The following STAG1 variants were observed in gnomAD, a reference collection of about 807,000 sequenced individuals.
STAG1 encodes the protein cohesin subunit SA-1.
STAG1 carries 26 observed loss-of-function variants against 170.9 expected under a neutral mutation model. The observed-to-expected ratio is 0.15, with a 90% CI of 0.11 to 0.21. The LOEUF (loss-of-function observed/expected upper bound fraction) is 0.21, where lower values mean the gene tolerates loss of function less well. Ranked by LOEUF, STAG1 falls within the 10% of genes least tolerant of loss-of-function variation. STAG1 has a pLI of 1.00. For missense variants in STAG1, 964 were observed against 1,509.5 expected (o/e 0.64, Z 5.99); for synonymous variants, 514 against 497.7 (o/e 1.03, Z -0.44).
intron 15 of STAG1, among the ~76,000 whole-genome samples, chr3:136,435,124 C>A (rs899378660): frequency 5.3e-5 from 8 of 152,152 alleles, no homozygotes; most frequent in Non-Finnish European, 1.2e-4. Context: ...CTTAATTCAA[C>A]CAACTTGAAT....
rs545646055 is a variant in STAG1 at position 136,505,049 on chromosome 3, C to T, written c.677-2270G>A. The stretch of plus-strand genomic sequence containing the variant: ...ACTTCATTGAATAACACATAAACAG[C>T]TATTAAAAACAAACCTCAAATTAAA... On this transcript the variant is annotated intron_variant, in intron 7 of 33. Transcript: ENST00000383202. Among the ~76,000 whole-genome samples the T allele has an allele frequency of 5.8e-4, 89 of 152,214 alleles. 1 individual carries two copies. The highest frequency in any genetic ancestry group is 2.0e-3 in the African/African-American group (85 of 41,558).
chr3:136,350,622 G>A (rs1330689816), intron 28 of STAG1, among the ~76,000 whole-genome samples: 2 of 152,130 alleles, frequency 1.3e-5, no homozygotes, highest in Non-Finnish European at 2.9e-5. Context: ...GGGAGAAGAG[G>A]GATGCTGGTC....
chr3:136,680,305 G>C, intron 1 of STAG1, among the ~76,000 whole-genome samples: 1 of 152,064 alleles, frequency 6.6e-6, no homozygotes, highest in Middle Eastern at 3.2e-3. Context: ...CCTTAGGTGG[G>C]GGAATTCCCT....
At chr3:136,379,357 A>C (rs1013578139) in intron 22 of STAG1, among the ~76,000 whole-genome samples, 4 of 152,200 alleles carry the variant, frequency 2.6e-5, no homozygotes, top group Admixed American at 6.5e-5. Flanking sequence ...TGAGTCCTGA[A>C]GGAGAAAAAT....
chr3:136,625,111 A>G (rs959295557), intron 2 of STAG1, among the ~76,000 whole-genome samples: 4 of 152,262 alleles, frequency 2.6e-5, no homozygotes, highest in African/African-American at 7.2e-5. Flanking sequence ...AGGTTTAGAC[A>G]GCATGAACAA....
At chr3:136,543,202 T>C (rs1391297317) in intron 5 of STAG1, among the ~76,000 whole-genome samples, 1 of 152,194 alleles carries the variant, frequency 6.6e-6, no homozygotes, top group Non-Finnish European at 1.5e-5. Flanking sequence ...ATATTCATAC[T>C]TTTTGCACTT....
intron 1 of STAG1, among the ~76,000 whole-genome samples, chr3:136,724,866 T>C (rs555065893): frequency 6.2e-4 from 95 of 152,214 alleles, no homozygotes; most frequent in African/African-American, 2.2e-3. Flanking sequence ...AGAACAGTAA[T>C]ACCAGAGAGC....
At chr3:136,431,101 G>A (rs1268275853) in intron 16 of STAG1, among the ~76,000 whole-genome samples, 6 of 151,118 alleles carry the variant, frequency 4.0e-5, no homozygotes, top group Non-Finnish European at 8.9e-5. Context: ...ATGGGGTTTC[G>A]CCATGTTGGC....
intron 2 of STAG1, among the ~76,000 whole-genome samples, chr3:136,630,313 C>T (rs1014473722): frequency 4.0e-5 from 6 of 150,920 alleles, no homozygotes; most frequent in African/African-American, 4.9e-5. Context: ...TTCTGGTAGC[C>T]GGAACACCTC....
At chr3:136,674,128 AGGG>A (rs1942057399) in intron 1 of STAG1, among the ~76,000 whole-genome samples, 1 of 56,866 alleles carries the variant, frequency 1.8e-5, no homozygotes, top group Non-Finnish European at 3.1e-5. Context: ...GGAGGGAGGG[AGGG>A]AGGGAAGGAA....
intron 1 of STAG1, among the ~76,000 whole-genome samples, chr3:136,646,775 G>A (rs1428947341): frequency 1.3e-5 from 2 of 151,984 alleles, no homozygotes; most frequent in Non-Finnish European, 2.9e-5. Flanking sequence ...GCATGGTGGT[G>A]CATGCCTGTA....
At chr3:136,652,188 G>A (rs968990097) in intron 1 of STAG1, among the ~76,000 whole-genome samples, 2 of 152,172 alleles carry the variant, frequency 1.3e-5, no homozygotes, top group Non-Finnish European at 2.9e-5. Context: ...ACAAATAACA[G>A]CTGCAAGTCA....
intron 1 of STAG1, among the ~76,000 whole-genome samples, chr3:136,639,256 G>A (rs1423249038): frequency 6.6e-6 from 1 of 151,316 alleles, no homozygotes; most frequent in Non-Finnish European, 1.5e-5. Context: ...GGTCACTTGA[G>A]GCGAGGAGGT....
At chr3:136,469,828 T>C (rs1487898308) in intron 12 of STAG1, among the ~76,000 whole-genome samples, 24 of 151,900 alleles carry the variant, frequency 1.6e-4, no homozygotes, top group African/African-American at 5.1e-4. Flanking sequence ...ACAAATAATA[T>C]CACACATCTA....
In STAG1 at chr3:136,516,570, G is replaced by A. The variant is rs146267528; in HGVS notation, c.676+4643C>T. Among the ~76,000 whole-genome samples, 76 of 151,744 alleles carry A rather than the reference G, an allele frequency of 5.0e-4. 1 individual carries two copies. The highest frequency in any genetic ancestry group is 2.9e-3 in the South Asian group (14 of 4,794). ...GCATGCTGTTCGTTTTCTTAACAGC[G>A]GTTCTTGAAAGTTTATCTACTTGTT... On this transcript the variant is annotated intron_variant, in intron 7 of 33. Coordinates refer to ENST00000383202, the MANE Select transcript of STAG1 (RefSeq NM_005862.3).
At chr3:136,553,606 T>G (rs920752816) in intron 5 of STAG1, among the ~76,000 whole-genome samples, 2 of 151,898 alleles carry the variant, frequency 1.3e-5, no homozygotes, top group African/African-American at 4.8e-5. Flanking sequence ...AAACCTTGTC[T>G]CTACTAAAAT....
chr3:136,524,660 C>T (rs1000800173), intron 6 of STAG1, among the ~76,000 whole-genome samples: 6 of 152,164 alleles, frequency 3.9e-5, no homozygotes, highest in African/African-American at 1.2e-4. Flanking sequence ...GAGAGGGCAT[C>T]CCTGTCTTGT....
intron 3 of STAG1, chr3:136,609,368 T>C (rs1939138832): frequency 3.4e-5 from 5 of 146,526 alleles, no homozygotes; most frequent in Admixed American, 2.0e-4. Flanking sequence ...TATTTGTATA[T>C]AAATATATAT....
At chr3:136,610,424 T>A (rs1328020639) in intron 3 of STAG1, among the ~76,000 whole-genome samples, 1 of 152,180 alleles carries the variant, frequency 6.6e-6, no homozygotes, top group Non-Finnish European at 1.5e-5. Flanking sequence ...CACTCTAACA[T>A]CTTTGGTTGT....
Sources: gnomAD v4.1 joint callset for allele counts (sites outside exome capture counted in the v4.1 genomes callset) on GRCh38, gnomAD v4.1.1 for gene constraint, MANE v1.5 for transcripts, NCBI Gene and HGNC (gene_info 2026-07-23, HGNC 2026-07-21) for gene names.